UBE3C: variants seen among roughly 807,000 people sequenced by gnomAD.
The protein encoded by UBE3C is ubiquitin-protein ligase E3C.
Under a neutral mutation model 129.4 loss-of-function variants are expected in UBE3C, and 42 were observed. The observed-to-expected ratio is 0.32, with a 90% CI of 0.25 to 0.42. The LOEUF (loss-of-function observed/expected upper bound fraction) is 0.42, where lower values mean the gene tolerates loss of function less well. Ranked by LOEUF, UBE3C falls within the 10% of genes least tolerant of loss-of-function variation. The probability of loss-of-function intolerance (pLI) is 1.00; values close to 1 mark genes in which losing one functional copy is unlikely to be tolerated. For missense variants in UBE3C, 1,049 were observed against 1,319.1 expected (o/e 0.80, Z 3.17); for synonymous variants, 510 against 492.4 (o/e 1.04, Z -0.47).
intron 1 of UBE3C, among the ~76,000 whole-genome samples, chr7:157,148,009 C>G (rs895718688): frequency 2.0e-5 from 3 of 152,096 alleles, no homozygotes; most frequent in Non-Finnish European, 4.4e-5. Context: ...TTTGTGATGT[C>G]TTTGTCTGGT....
chr7:157,158,204 T>C (rs989207837), intron 1 of UBE3C, among the ~76,000 whole-genome samples: 1 of 151,984 alleles, frequency 6.6e-6, no homozygotes, highest in Admixed American at 6.6e-5. Flanking sequence ...AGAGTCAGCT[T>C]TAACTTGGAG....
At chr7:157,236,395 A>T (rs2116649503) in intron 18 of UBE3C, among the ~76,000 whole-genome samples, 1 of 152,280 alleles carries the variant, frequency 6.6e-6, no homozygotes, top group Middle Eastern at 3.4e-3. Context: ...ATGCCTATAA[A>T]TCAGATTATT....
rs150266636 is a variant in UBE3C, at chr7:157,254,013, G to A, written c.2754G>A (p.Ala918=). Residue 918 remains alanine (A), a synonymous_variant, in exon 20 of 23, where the codon GCG becomes GCA. Coordinates refer to ENST00000348165, the MANE Select transcript of UBE3C (RefSeq NM_014671.3). ...CTGTCACCAGCGCCAACCGGATTGCGTACATCCACTTGGTGGCAGACTACA... is the reference window on the plus strand; with the variant it reads ...CTGTCACCAGCGCCAACCGGATTGCATACATCCACTTGGTGGCAGACTACA... The part of the protein sequence containing the change: ...DIPVTSANRI[A]YIHLVADYRL... 3.1e-3 allele frequency: 5,046 copies of A among 1,612,826 alleles called. 15 individuals carry two copies. The highest frequency in any genetic ancestry group is 3.9e-3 in the Admixed American group (235 of 59,756).
chr7:157,174,489 G>A (rs910018587), intron 4 of UBE3C, among the ~76,000 whole-genome samples: 1 of 151,680 alleles, frequency 6.6e-6, no homozygotes, highest in South Asian at 2.1e-4. Context: ...TCTCTCTCTC[G>A]CCCAGGCAGT....
At chr7:157,194,419 A>G (rs776829553) in intron 10 of UBE3C, among the ~76,000 whole-genome samples, 4 of 152,204 alleles carry the variant, frequency 2.6e-5, no homozygotes, top group Non-Finnish European at 4.4e-5. Context: ...CAAATCTAGT[A>G]GCATATTCAG....
intron 10 of UBE3C, among the ~76,000 whole-genome samples, chr7:157,199,493 C>CT (rs796288250): frequency 4.0e-5 from 6 of 151,368 alleles, no homozygotes; most frequent in African/African-American, 1.5e-4. Context: ...TTTTTTGAGT[C>CT]TGAGTCTTGT....
At chr7:157,218,925 ATTTTGAATGCTGT>A (rs1441430341) in intron 14 of UBE3C, among the ~76,000 whole-genome samples, 6 of 152,178 alleles carry the variant, frequency 3.9e-5, no homozygotes. Flanking sequence ...CCATCTCATT[ATTTTGAATGCTGT>A]TTTGAAAAAA....
At chr7:157,225,594 T>C (rs531578932) in intron 17 of UBE3C, 55 bp downstream of exon 17, 1 of 1,494,078 alleles carries the variant, frequency 6.7e-7, no homozygotes, top group African/African-American at 1.4e-5. Context: ...GGGAATTGTT[T>C]TAGAAAATGG....
intron 14 of UBE3C, among the ~76,000 whole-genome samples, chr7:157,219,345 G>A (rs1325896118): frequency 2.0e-5 from 3 of 152,210 alleles, no homozygotes; most frequent in East Asian, 1.9e-4. Context: ...CTGGTAGTAC[G>A]GTGCACACAC....
At chr7:157,249,396 A>G (rs1346297533) in intron 19 of UBE3C, among the ~76,000 whole-genome samples, 3 of 150,736 alleles carry the variant, frequency 2.0e-5, no homozygotes, top group Non-Finnish European at 3.0e-5. Flanking sequence ...GCTCACCACA[A>G]CCTCCACCTC....
intron 17 of UBE3C, among the ~76,000 whole-genome samples, chr7:157,229,776 A>G (rs1469041122): frequency 6.6e-6 from 1 of 151,852 alleles, no homozygotes; most frequent in Non-Finnish European, 1.5e-5. Context: ...CACCATGCCC[A>G]GCTTTTCTTA....
In UBE3C at chr7:157,231,282, T is replaced by G. The variant is rs1418991036; in HGVS notation, c.2436T>G (p.Asp812Glu). ...PNPAAQMLVG[D>E]SFARHYYFLG... ...CGGCTGCTCAGATGCTTGTGGGAGA[T>G]TCTTTTGCCAGACATTACTACTTCC... Residue 812 changes from aspartate (D) to glutamate (E), a missense_variant, in exon 18 of 23, where the codon GAT becomes GAG. Coordinates refer to ENST00000348165, the MANE Select transcript of UBE3C (RefSeq NM_014671.3). 6.2e-7 allele frequency: 1 copy of G among 1,614,162 alleles called. No individual in the cohort carries two copies. Among genetic ancestry groups the G allele is most frequent in the Non-Finnish European group, 8.5e-7 (1 of 1,180,026 alleles).
intron 22 of UBE3C, chr7:157,263,301 T>TCCTAATGCCACCTTC (rs1215666619): frequency 2.7e-5 from 4 of 149,410 alleles, no homozygotes; most frequent in African/African-American, 1.0e-4. Flanking sequence ...CGGGCGCCTG[T>TCCTAATGCCACCTTC]CCTAACGCCA....
In UBE3C at chr7:157,147,939, TTGA is replaced by T. The variant is rs545827223; in HGVS notation, c.66+8603_66+8605del. On this transcript the variant is annotated intron_variant, in intron 1 of 22. Transcript: ENST00000348165. Reference sequence around the variant, plus strand: ...TGTATACGATGTTAGATTGAGCTTGTTGATATTTTGTTCAGGATTTTTGCATCT... The same window carrying T: ...TGTATACGATGTTAGATTGAGCTTGTTATTTTGTTCAGGATTTTTGCATCT... 3.4e-3 allele frequency among the ~76,000 whole-genome samples: 518 copies of T among 152,298 alleles called. 2 individuals are homozygous for T. The highest frequency in any genetic ancestry group is 0.012 in the African/African-American group (493 of 41,558).
At chr7:157,163,045 A>C (rs550958473) in intron 1 of UBE3C, among the ~76,000 whole-genome samples, 133 of 152,254 alleles carry the variant, frequency 8.7e-4, no homozygotes, top group South Asian at 3.7e-3. Flanking sequence ...TCTTCATTGA[A>C]ATTTTTATTG....
intron 13 of UBE3C, 67 bp from the exon 14 acceptor site, chr7:157,216,800 G>A (rs927970239): frequency 5.5e-6 from 7 of 1,273,810 alleles, no homozygotes; most frequent in Middle Eastern, 1.8e-4. Context: ...TCGAGTGAAT[G>A]TATGGCTCAC....
Position 157,181,635 on chromosome 7 carries a change from T to C in UBE3C, c.734T>C (p.Leu245Ser), listed in dbSNP as rs780988412. Residue 245 changes from leucine (L) to serine (S), a missense_variant, in exon 7 of 23, where the codon TTG becomes TCG. This residue lies in a region of UBE3C where 489 missense variants were observed against 513.8 expected (regional missense o/e 0.95). Transcript: ENST00000348165. ...TTGCTAGAGAATGTTCTAAAACCAT[T>C]GCACTTTACTTACAACTCCTGTCCG... ...KILLENVLKP[L>S]HFTYNSCPEG... The C allele has an allele frequency of 8.1e-6, 13 of 1,613,636 alleles. No homozygotes were observed. In the South Asian group the frequency reaches 8.8e-5, roughly 11 times the overall value.
At chr7:157,145,739 T>C (rs1268157716) in intron 1 of UBE3C, among the ~76,000 whole-genome samples, 1 of 152,252 alleles carries the variant, frequency 6.6e-6, no homozygotes, top group African/African-American at 2.4e-5. Context: ...TTCTTTTTAC[T>C]TTATTTTTTA....
chr7:157,154,246 G>C (rs982483113), intron 1 of UBE3C, among the ~76,000 whole-genome samples: 2 of 151,972 alleles, frequency 1.3e-5, no homozygotes, highest in Non-Finnish European at 2.9e-5. Flanking sequence ...CTTGAACCTG[G>C]GAGGTGGAGG....
Sources: allele counts gnomAD v4.1 joint callset (sites outside exome capture counted in the v4.1 genomes callset), GRCh38; gene constraint gnomAD v4.1.1; regional missense constraint gnomAD v4.1.1; transcripts MANE v1.5; gene names NCBI Gene and HGNC (gene_info 2026-07-23, HGNC 2026-07-21).